DGKB: variants seen among roughly 807,000 people sequenced by gnomAD.
DGKB encodes the protein diacylglycerol kinase beta, also known as 90 kDa diacylglycerol kinase.
Under a neutral mutation model 114.3 loss-of-function variants are expected in DGKB, and 67 were observed. The observed-to-expected ratio is 0.59, with a 90% confidence interval of 0.48 to 0.72. The LOEUF (loss-of-function observed/expected upper bound fraction) is 0.72. Among genes scored for constraint, DGKB ranks in the 30% least tolerant of loss-of-function variants. The probability of loss-of-function intolerance (pLI) is 0.00; values close to 1 mark genes in which losing one functional copy is unlikely to be tolerated. For missense variants in DGKB, 907 were observed against 975.2 expected (o/e 0.93, Z 0.93); for synonymous variants, 398 against 323.1 (o/e 1.23, Z -2.49).
chr7:14,454,239 T>C (rs897091270), intron 21 of DGKB, among the ~76,000 whole-genome samples: 3 of 152,124 alleles, frequency 2.0e-5, no homozygotes, highest in African/African-American at 7.2e-5. Context: ...CTACAACTTA[T>C]TCCATCTATC....
intron 22 of DGKB, among the ~76,000 whole-genome samples, chr7:14,339,362 T>C (rs1562966119): frequency 8.5e-6 from 1 of 117,276 alleles, no homozygotes. Flanking sequence ...GAGGGCCGGG[T>C]AGATTGATTG....
intron 1 of DGKB, 98 bp from the exon 2 acceptor site, chr7:14,841,548 T>C (rs1847936647): frequency 7.1e-6 from 2 of 283,000 alleles, no homozygotes; most frequent in African/African-American, 4.4e-5. Flanking sequence ...TTTTAAATCA[T>C]ATAAATTAAG....
intron 1 of DGKB, among the ~76,000 whole-genome samples, chr7:14,895,550 G>A (rs1456524144): frequency 6.6e-6 from 1 of 151,534 alleles, no homozygotes; most frequent in Non-Finnish European, 1.5e-5. Flanking sequence ...AGCAAATCAT[G>A]GACTTGTTTC....
At chr7:14,633,111 A>T (rs569694315) in intron 13 of DGKB, among the ~76,000 whole-genome samples, 1 of 152,076 alleles carries the variant, frequency 6.6e-6, no homozygotes, top group African/African-American at 2.4e-5. Flanking sequence ...TGGATAACAT[A>T]CTTGAAGTCT....
At chr7:14,423,835 T>G (rs1350332265) in intron 21 of DGKB, among the ~76,000 whole-genome samples, 1 of 152,136 alleles carries the variant, frequency 6.6e-6, no homozygotes, top group African/African-American at 2.4e-5. Context: ...ATCAATCTAT[T>G]TCTCCCCTGG....
At chr7:14,675,483 T>A (rs1255088937) in intron 12 of DGKB, among the ~76,000 whole-genome samples, 3 of 152,058 alleles carry the variant, frequency 2.0e-5, no homozygotes, top group Non-Finnish European at 4.4e-5. Context: ...TCAGATAGAA[T>A]CATGCAATAG....
intron 21 of DGKB, among the ~76,000 whole-genome samples, chr7:14,447,568 T>C (rs914814369): frequency 6.6e-6 from 1 of 152,106 alleles, no homozygotes; most frequent in African/African-American, 2.4e-5. Context: ...TAAGATAAAT[T>C]TAATTTAAAG....
intron 20 of DGKB, among the ~76,000 whole-genome samples, chr7:14,528,730 A>G (rs1342927900): frequency 6.6e-6 from 1 of 152,114 alleles, no homozygotes; most frequent in Non-Finnish European, 1.5e-5. Context: ...TACATGATTC[A>G]TTAGAGCAAT....
At chr7:14,333,173 G>A (rs959721140) in intron 23 of DGKB, among the ~76,000 whole-genome samples, 1 of 152,038 alleles carries the variant, frequency 6.6e-6, no homozygotes, top group African/African-American at 2.4e-5. Flanking sequence ...ATCAATCAGT[G>A]AGAGGCCGGG....
At chr7:14,176,778 T>A (rs1781800884) in intron 25 of DGKB, 61 bp downstream of exon 25, 1 of 1,567,364 alleles carries the variant, frequency 6.4e-7, no homozygotes, top group African/African-American at 1.4e-5. Context: ...ATTGTGGTTA[T>A]TTAGTCAAAG....
rs1002484153 is a variant in DGKB, at chr7:14,441,684, T to C, written c.1835+36477A>G. ...AAATAATAATTGTGAGCATTTTGGATCATTCCTGAATCAAAGGAATGGTTC... is the reference window on the plus strand; with the variant it reads ...AAATAATAATTGTGAGCATTTTGGACCATTCCTGAATCAAAGGAATGGTTC... On this transcript the variant is annotated intron_variant, in intron 21 of 25. Transcript: ENST00000402815. Among the ~76,000 whole-genome samples, 4 of 152,116 alleles carry C rather than the reference T, an allele frequency of 2.6e-5. No individual in the cohort carries two copies. In the East Asian group the frequency reaches 7.7e-4, roughly 29 times the overall value.
At position 14,760,018 on chromosome 7, in the gene DGKB, A is replaced by G. The variant is rs368929902; in HGVS notation, c.71-2287T>C. 2.6e-5 allele frequency among the ~76,000 whole-genome samples: 4 copies of G among 152,134 alleles called. No individual in the cohort carries two copies. In the East Asian group the frequency reaches 7.7e-4, roughly 29 times the overall value. On this transcript the variant is annotated intron_variant, in intron 2 of 25. Transcript: ENST00000402815. ...CATTCGCTAATGACTAATAATGCTG[A>G]GCATCTTTTTATATGCCTATTGGTC...
chr7:14,255,320 C>T (rs1795804551), intron 23 of DGKB, among the ~76,000 whole-genome samples: 1 of 152,050 alleles, frequency 6.6e-6, no homozygotes, highest in African/African-American at 2.4e-5. Flanking sequence ...ATATTAATCA[C>T]CCTCCTATTG....
intron 20 of DGKB, among the ~76,000 whole-genome samples, chr7:14,499,045 T>C (rs1785722560): frequency 6.6e-6 from 1 of 151,660 alleles, no homozygotes; most frequent in African/African-American, 2.4e-5. Context: ...TGAACAGAGG[T>C]AGAGAAAAGG....
chr7:14,496,539 T>C (rs1785332784), intron 20 of DGKB, among the ~76,000 whole-genome samples: 1 of 151,740 alleles, frequency 6.6e-6, no homozygotes, highest in Admixed American at 6.6e-5. Flanking sequence ...TCAGAATATT[T>C]ATTGAGCACC....
intron 13 of DGKB, among the ~76,000 whole-genome samples, chr7:14,653,554 T>C (rs897506167): frequency 6.6e-6 from 1 of 151,890 alleles, no homozygotes; most frequent in African/African-American, 2.4e-5. Flanking sequence ...TACCTAATGC[T>C]AGATGACGAG....
chr7:14,812,577 C>G (rs751540241), intron 2 of DGKB, among the ~76,000 whole-genome samples: 2 of 152,114 alleles, frequency 1.3e-5, no homozygotes, highest in African/African-American at 4.8e-5. Context: ...TATCAGCATA[C>G]TGAATTCCAA....
intron 22 of DGKB, among the ~76,000 whole-genome samples, chr7:14,344,947 T>G (rs1163396179): frequency 6.6e-6 from 1 of 151,682 alleles, no homozygotes; most frequent in Non-Finnish European, 1.5e-5. Context: ...TACAAGATAT[T>G]GAGACCCGAA....
At chr7:14,255,971 G>C (rs1057307154) in intron 23 of DGKB, among the ~76,000 whole-genome samples, 2 of 152,154 alleles carry the variant, frequency 1.3e-5, no homozygotes, top group Admixed American at 1.3e-4. Context: ...TGAAGCTCAT[G>C]AAATAATTCT....
Sources: allele counts gnomAD v4.1 joint callset (sites outside exome capture counted in the v4.1 genomes callset), GRCh38; gene constraint gnomAD v4.1.1; transcripts MANE v1.5; gene names NCBI Gene and HGNC (gene_info 2026-07-23, HGNC 2026-07-21).